CYP2C8: variants seen among roughly 807,000 people sequenced by gnomAD.
The protein encoded by CYP2C8 is cytochrome P450 2C8.
In CYP2C8, 51 loss-of-function variants were observed where a neutral mutation model predicts 41.3. The ratio of observed to expected loss-of-function variants is 1.24; its 90% CI spans 0.99 to 1.56. The LOEUF (loss-of-function observed/expected upper bound fraction) is 1.56. CYP2C8 is among the 40% of genes most tolerant of loss of function. The pLI is 0.00. For synonymous variants in CYP2C8, 218 were observed against 205.8 expected, an observed-to-expected ratio of 1.06 and a Z score of -0.51; for missense variants, 651 against 579.9, an observed-to-expected ratio of 1.12 and a Z score of -1.26.
chr10:95,065,189 T>C (rs1042905763), intron 3 of CYP2C8, among the ~76,000 whole-genome samples: 2 of 152,214 alleles, frequency 1.3e-5, no homozygotes, highest in African/African-American at 2.4e-5. Context: ...GTTATTCACA[T>C]CCACTGCCTT....
At chr10:95,041,713 G>C (rs980687890) in intron 7 of CYP2C8, among the ~76,000 whole-genome samples, 11 of 149,966 alleles carry the variant, frequency 7.3e-5, no homozygotes, top group Non-Finnish European at 1.2e-4. Flanking sequence ...CCCGGGAAGC[G>C]GAGCTTGCAG....
chr10:95,048,802 C>G (rs1009287501), intron 5 of CYP2C8, among the ~76,000 whole-genome samples: 2 of 152,046 alleles, frequency 1.3e-5, no homozygotes, highest in African/African-American at 4.8e-5. Context: ...TCTTATATCT[C>G]ACCACATACA....
chr10:95,045,240 G>A (rs1278547970), intron 6 of CYP2C8, among the ~76,000 whole-genome samples: 1 of 152,170 alleles, frequency 6.6e-6, no homozygotes, highest in Non-Finnish European at 1.5e-5. Context: ...TGGTCAAATA[G>A]CATTTTTATG....
At chr10:95,053,907 A>T (rs2033261422) in intron 5 of CYP2C8, among the ~76,000 whole-genome samples, 1 of 152,180 alleles carries the variant, frequency 6.6e-6, no homozygotes, top group South Asian at 2.1e-4. Context: ...CATTCTGCAC[A>T]TGTATCCCAG....
intron 1 of CYP2C8, chr10:95,068,552 T>C (rs753797273): frequency 2.1e-5 from 27 of 1,258,336 alleles, no homozygotes; most frequent in South Asian, 1.1e-4. Context: ...ATGACTACTA[T>C]AGTAGAGAAC....
At chr10:95,044,869 G>C (rs1305818922) in intron 6 of CYP2C8, among the ~76,000 whole-genome samples, 2 of 152,160 alleles carry the variant, frequency 1.3e-5, no homozygotes, top group African/African-American at 4.8e-5. Flanking sequence ...ACACAGATTA[G>C]CTTCTCCTCT....
chr10:95,044,156 C>A (rs2033063654), intron 6 of CYP2C8, among the ~76,000 whole-genome samples: 1 of 152,154 alleles, frequency 6.6e-6, no homozygotes, highest in Non-Finnish European at 1.5e-5. Context: ...TGATTCCTGG[C>A]ACCCATTATT....
chr10:95,045,909 C>A lies in CYP2C8; in HGVS notation c.862G>T (p.Val288Phe), dbSNP rs760114439. The change falls in exon 6 of 9, where the codon GTT becomes TTT. Residue 288 changes from valine (V) to phenylalanine (F), a missense_variant. Physicochemically the swap from Val to Phe is conservative, Grantham distance 50. Transcript: ENST00000371270. The part of the protein sequence containing the change: ...QKSEFNIENL[V>F]GTVADLFVAG... Reference sequence around the variant, plus strand: ...ACAAATAGATCAGCTACAGTGCCAACCAAGTTTTCAATATTGAATTCTGAC... The same window carrying A: ...ACAAATAGATCAGCTACAGTGCCAAACAAGTTTTCAATATTGAATTCTGAC... The A allele has an allele frequency of 2.5e-6, 4 of 1,613,876 alleles. No homozygotes were observed. Among genetic ancestry groups the A allele is most frequent in the South Asian group, 1.1e-5 (1 of 91,076 alleles).
chr10:95,052,282 A>G lies in CYP2C8; in HGVS notation c.819+6053T>C, dbSNP rs181255898. On this transcript the variant is annotated intron_variant, in intron 5 of 8. Coordinates refer to ENST00000371270, the MANE Select transcript of CYP2C8 (RefSeq NM_000770.3). ...AGAAATCCAAAACCTGAACAAAATT[A>G]TAGCAAATAATCAGATTGAACTCAA... Among the ~76,000 whole-genome samples, 125 of 152,226 alleles carry G rather than the reference A, an allele frequency of 8.2e-4. 1 individual carries two copies. Among genetic ancestry groups the G allele is most frequent in the African/African-American group, 2.9e-3 (121 of 41,580 alleles).
At chr10:95,062,060 C>G (rs2033448539) in intron 4 of CYP2C8, among the ~76,000 whole-genome samples, 1 of 152,084 alleles carries the variant, frequency 6.6e-6, no homozygotes, top group South Asian at 2.1e-4. Context: ...TTACTTCCAA[C>G]TATGTGGTCA....
At position 95,045,879 on chromosome 10, in the gene CYP2C8, C is replaced by T; in HGVS notation, c.892G>A (p.Gly298Arg). The change falls in exon 6 of 9, where the codon GGA becomes AGA. Residue 298 changes from glycine to arginine, a missense_variant. By Grantham distance (125) the Gly-to-Arg change is moderately radical (BLOSUM62 -2). Coordinates refer to ENST00000371270, the MANE Select transcript of CYP2C8 (RefSeq NM_000770.3). Reference sequence around the variant, plus strand: ...AGAGTGGTGCTTGTTGTCTCTGTTCCAGCAACAAATAGATCAGCTACAGTG... The same window carrying T: ...AGAGTGGTGCTTGTTGTCTCTGTTCTAGCAACAAATAGATCAGCTACAGTG... The part of the protein sequence containing the change: ...VGTVADLFVA[G>R]TETTSTTLRY... 2 of 1,614,054 alleles carry T rather than the reference C, an allele frequency of 1.2e-6. No homozygotes were observed. Among genetic ancestry groups the T allele is most frequent in the Non-Finnish European group, 1.7e-6 (2 of 1,179,922 alleles).
At chr10:95,065,080 G>A in intron 3 of CYP2C8, 120 bp from the exon 4 acceptor site, 1 of 938,730 alleles carries the variant, frequency 1.1e-6, no homozygotes, top group South Asian at 3.6e-5. Flanking sequence ...TTCCCCATGT[G>A]TCCAAAAAAA....
intron 5 of CYP2C8, among the ~76,000 whole-genome samples, chr10:95,049,490 T>C (rs2033174646): frequency 6.6e-6 from 1 of 152,150 alleles, no homozygotes; most frequent in South Asian, 2.1e-4. Flanking sequence ...AGTGCAGTTC[T>C]GTTAAGGCAG....
intron 6 of CYP2C8, among the ~76,000 whole-genome samples, chr10:95,043,894 A>G (rs2033059496): frequency 6.6e-6 from 1 of 152,102 alleles, no homozygotes; most frequent in Non-Finnish European, 1.5e-5. Context: ...ACACATATAC[A>G]CACATACACA....
At chr10:95,062,418 CTT>C (rs1208034481) in intron 4 of CYP2C8, among the ~76,000 whole-genome samples, 1 of 152,078 alleles carries the variant, frequency 6.6e-6, no homozygotes, top group Admixed American at 6.6e-5. Context: ...CTCTTTTAAT[CTT>C]TGTTGGTTTA....
At chr10:95,049,201 G>C (rs984705170) in intron 5 of CYP2C8, among the ~76,000 whole-genome samples, 8 of 152,104 alleles carry the variant, frequency 5.3e-5, no homozygotes, top group Non-Finnish European at 1.2e-4. Flanking sequence ...AAATGGGAGA[G>C]TGGAGCAAGA....
intron 8 of CYP2C8, among the ~76,000 whole-genome samples, chr10:95,037,705 T>C (rs538760312): frequency 6.6e-6 from 1 of 152,336 alleles, no homozygotes; most frequent in East Asian, 1.9e-4. Flanking sequence ...AAGCCTGATA[T>C]TCCATGACTT....
At chr10:95,059,184 G>T (rs578051490) in intron 4 of CYP2C8, among the ~76,000 whole-genome samples, 58 of 152,284 alleles carry the variant, frequency 3.8e-4, no homozygotes, top group Non-Finnish European at 7.8e-4. Context: ...GGGTCAAATG[G>T]TATTTCTAGT....
intron 5 of CYP2C8, among the ~76,000 whole-genome samples, chr10:95,046,204 C>T (rs1227049907): frequency 6.6e-6 from 1 of 152,018 alleles, no homozygotes; most frequent in Non-Finnish European, 1.5e-5. Context: ...TATTTCTTTC[C>T]CCAGAAATAA....
Sources: allele counts gnomAD v4.1 joint callset (sites outside exome capture counted in the v4.1 genomes callset), GRCh38; gene constraint gnomAD v4.1.1; transcripts MANE v1.5; gene names NCBI Gene and HGNC (gene_info 2026-07-23, HGNC 2026-07-21).